The following SVEP1 variants were observed in gnomAD, a reference collection of about 807,000 sequenced individuals.
SVEP1 encodes the protein sushi, von Willebrand factor type A, EGF and pentraxin domain containing 1, also known as sushi, von Willebrand factor type A, EGF and pentraxin domain-containing protein 1.
SVEP1 carries 164 observed loss-of-function variants against 367.3 expected under a neutral mutation model. The ratio of observed to expected loss-of-function variants is 0.45; its 90% confidence interval spans 0.39 to 0.51. The LOEUF is 0.51. SVEP1 is among the 20% of genes least tolerant of loss of function. The pLI, the probability that SVEP1 is intolerant of heterozygous loss-of-function variation, is 0.00. For missense variants in SVEP1, 4,117 were observed against 4,425.3 expected (o/e 0.93, Z 1.98); for synonymous variants, 1,666 against 1,611.6 (o/e 1.03, Z -0.81).
At chr9:110,427,286 G>C (rs987358800) in intron 36 of SVEP1, among the ~76,000 whole-genome samples, 1 of 117,372 alleles carries the variant, frequency 8.5e-6, no homozygotes, top group Non-Finnish European at 1.6e-5. Context: ...CAAGGTGATA[G>C]AGCAAGACTC....
In SVEP1 at chr9:110,455,601, G is replaced by A. The variant is rs1828765521; in HGVS notation, c.3776C>T (p.Ser1259Leu). Residue 1259 changes from serine (S) to leucine (L), a missense_variant, in exon 22 of 48, where the codon TCA becomes TTA. Coordinates refer to ENST00000374469, the MANE Select transcript of SVEP1 (RefSeq NM_153366.4). ...LVGEFICECP[S>L]GYTGQRCEEN... ...GACCTTCCCCTTACCTGTGTAACCTGATGGGCACTCACAAATGAATTCCCC... is the reference window on the plus strand; with the variant it reads ...GACCTTCCCCTTACCTGTGTAACCTAATGGGCACTCACAAATGAATTCCCC... The A allele has an allele frequency of 6.2e-7, 1 of 1,613,240 alleles. No homozygotes were observed. The highest frequency in any genetic ancestry group is 8.5e-7 in the Non-Finnish European group (1 of 1,179,488).
chr9:110,511,962 A>G (rs995266186), intron 5 of SVEP1, among the ~76,000 whole-genome samples: 1 of 152,170 alleles, frequency 6.6e-6, no homozygotes, highest in Non-Finnish European at 1.5e-5. Context: ...TGGTGGGAGT[A>G]AAGTTGCCAG....
intron 27 of SVEP1, among the ~76,000 whole-genome samples, chr9:110,441,670 A>G (rs768237091): frequency 3.9e-5 from 6 of 152,106 alleles, no homozygotes; most frequent in Non-Finnish European, 8.8e-5. Flanking sequence ...CATTTGTCCC[A>G]AGTTTCCCTC....
At chr9:110,434,835 A>C (rs1424872085) in intron 29 of SVEP1, among the ~76,000 whole-genome samples, 1 of 152,022 alleles carries the variant, frequency 6.6e-6, no homozygotes, top group East Asian at 1.9e-4. Flanking sequence ...TTGATCATTC[A>C]GTTTTAGTGT....
At chr9:110,527,690 T>TA (rs1156295833) in intron 3 of SVEP1, among the ~76,000 whole-genome samples, 1 of 152,070 alleles carries the variant, frequency 6.6e-6, no homozygotes, top group Non-Finnish European at 1.5e-5. Flanking sequence ...GTGAATTTCA[T>TA]AAAATTTTTT....
In SVEP1 at chr9:110,406,728, C is replaced by A. The variant is rs1827960403; in HGVS notation, c.8872G>T (p.Gly2958Cys). The change falls in exon 38 of 48, where the codon GGT becomes TGT. Residue 2958 changes from glycine to cysteine, a missense_variant. Transcript: ENST00000374469. ...ATAAAGGAAAAACCATTAGGGAAAC[C>A]ATGGGCAAGATCTTCAGGAGGTCCA... ...NCGPPEDLAHGFPNGFSFIHG... is the reference protein window; with the variant it reads ...NCGPPEDLAHCFPNGFSFIHG... 6.2e-7 allele frequency: 1 copy of A among 1,613,908 alleles called. No individual in the cohort carries two copies. The highest frequency in any genetic ancestry group is 8.5e-7 in the Non-Finnish European group (1 of 1,179,904).
intron 1 of SVEP1, among the ~76,000 whole-genome samples, chr9:110,557,819 T>C (rs1830373696): frequency 6.6e-6 from 1 of 152,296 alleles, no homozygotes; most frequent in East Asian, 1.9e-4. Context: ...GTTAACCCTC[T>C]TATTTGTAAC....
At chr9:110,480,302 G>A (rs75617384) in intron 12 of SVEP1, among the ~76,000 whole-genome samples, 2,882 of 152,118 alleles carry the variant, frequency 0.019, 35 homozygotes, top group Middle Eastern at 0.031. Context: ...GCATCCCACC[G>A]TCTCAATCTG....
At position 110,427,503 on chromosome 9, in the gene SVEP1, T is replaced by C. The variant is rs574123030; in HGVS notation, c.5975+88A>G. On this transcript the variant is annotated intron_variant, in intron 36 of 47. Transcript: ENST00000374469. ...TGTCTTTGGCTGCCAGGAAATTAAA[T>C]TTCGTGTCCAATGGAGCCCATCTCT... The C allele has an allele frequency of 4.8e-6, 7 of 1,464,232 alleles. No homozygotes were observed. In the East Asian group the frequency reaches 1.6e-4, roughly 34 times the overall value. 90.7% of individuals were successfully genotyped at this position (1,464,232 alleles called of 1,614,324 possible).
rs201095104 is a variant in SVEP1 at position 110,513,006 on chromosome 9, G to A, written c.1223C>T (p.Pro408Leu). 120 of 1,613,884 alleles carry A rather than the reference G, an allele frequency of 7.4e-5. 1 individual carries two copies. The highest frequency in any genetic ancestry group is 1.3e-5 in the African/African-American group (1 of 74,932). ...FNAACGVRCH[P>L]GFDLVGSSII... ...GCTGCTTCCCACAAGATCAAATCCAGGGTGACATCGGACCCCACAGGCTGC... is the reference window on the plus strand; with the variant it reads ...GCTGCTTCCCACAAGATCAAATCCAAGGTGACATCGGACCCCACAGGCTGC... Residue 408 changes from proline (P) to leucine (L), a missense_variant, in exon 5 of 48, where the codon CCT becomes CTT. Physicochemically the swap from Pro to Leu is moderately conservative, Grantham distance 98. Transcript: ENST00000374469.
intron 1 of SVEP1, among the ~76,000 whole-genome samples, chr9:110,559,877 T>C (rs1433575036): frequency 2.0e-5 from 3 of 152,170 alleles, no homozygotes; most frequent in Non-Finnish European, 4.4e-5. Flanking sequence ...ATTACAATGA[T>C]ATTATTGAAC....
At chr9:110,516,075 A>T (rs1829797875) in intron 3 of SVEP1, among the ~76,000 whole-genome samples, 1 of 77,170 alleles carries the variant, frequency 1.3e-5, no homozygotes, top group Non-Finnish European at 2.8e-5. Flanking sequence ...GGCCCCTTGG[A>T]TGCTAAAGCT....
rs957182897 is a variant in SVEP1, at chr9:110,572,627, C to G, written c.531+6386G>C. ...CTGTAATCCCAGCACTTTGGGAGGTCGAGGTGGGCTGGTCACTTGAGCCCA... is the reference window on the plus strand; with the variant it reads ...CTGTAATCCCAGCACTTTGGGAGGTGGAGGTGGGCTGGTCACTTGAGCCCA... On this transcript the variant is annotated intron_variant, in intron 1 of 47. Coordinates refer to ENST00000374469, the MANE Select transcript of SVEP1 (RefSeq NM_153366.4). Among the ~76,000 whole-genome samples the G allele has an allele frequency of 2.6e-5, 4 of 151,966 alleles. 1 individual carries two copies. In the East Asian group the frequency reaches 7.7e-4, roughly 29 times the overall value.
chr9:110,510,444 G>C (rs898522066), intron 5 of SVEP1, among the ~76,000 whole-genome samples: 1 of 152,190 alleles, frequency 6.6e-6, no homozygotes, highest in African/African-American at 2.4e-5. Context: ...ACATAATGAG[G>C]GGTGGGGGCA....
intron 9 of SVEP1, among the ~76,000 whole-genome samples, 181 bp downstream of exon 9, chr9:110,489,469 C>T (rs1040996239): frequency 3.9e-5 from 6 of 152,124 alleles, no homozygotes; most frequent in African/African-American, 1.2e-4. Context: ...AGGGGAACTC[C>T]CCCTTATAAA....
rs370134923 is a variant in SVEP1 at position 110,457,246 on chromosome 9, G to A, written c.3673+10C>T. On this transcript the variant is annotated intron_variant, in intron 21 of 47. Coordinates refer to ENST00000374469, the MANE Select transcript of SVEP1 (RefSeq NM_153366.4). The stretch of plus-strand genomic sequence containing the variant: ...ATATATTAAAATCTACATTCCTCTT[G>A]GTTATTTACCTGTATATCCAAGTGG... 57 of 1,571,908 alleles carry A rather than the reference G, an allele frequency of 3.6e-5. No individual in the cohort carries two copies. Among genetic ancestry groups the A allele is most frequent in the Non-Finnish European group, 4.7e-5 (54 of 1,161,168 alleles).
chr9:110,472,621 G>T (rs1040766855), intron 14 of SVEP1, among the ~76,000 whole-genome samples: 3 of 152,086 alleles, frequency 2.0e-5, no homozygotes, highest in Admixed American at 1.3e-4. Context: ...AGCTTTAGAG[G>T]TAAATTTTAG....
intron 1 of SVEP1, among the ~76,000 whole-genome samples, chr9:110,576,734 T>A (rs1830631947): frequency 6.6e-6 from 1 of 152,068 alleles, no homozygotes; most frequent in Non-Finnish European, 1.5e-5. Context: ...CAGAATATAT[T>A]TAGATGTAAA....
chr9:110,499,336 AG>A, intron 6 of SVEP1, 98 bp from the exon 7 acceptor site: 1 of 1,108,268 alleles, frequency 9.0e-7, no homozygotes. Flanking sequence ...ATGCTGCCTT[AG>A]GATTTACGTA....
Sources: allele counts gnomAD v4.1 joint callset (sites outside exome capture counted in the v4.1 genomes callset), GRCh38; gene constraint gnomAD v4.1.1; transcripts MANE v1.5; gene names NCBI Gene and HGNC (gene_info 2026-07-23, HGNC 2026-07-21).